The following RTN4 variants were observed in gnomAD, a reference collection of about 807,000 sequenced individuals.
RTN4 encodes the protein reticulon 4.
Under a neutral mutation model 90.4 loss-of-function variants are expected in RTN4, and 32 were observed. The ratio of observed to expected loss-of-function variants is 0.35; its 90% CI spans 0.27 to 0.48. The LOEUF is 0.48. Among genes scored for constraint, RTN4 ranks in the 20% least tolerant of loss-of-function variants. The pLI is 0.99. For synonymous variants in RTN4, 629 were observed against 552.5 expected, an observed-to-expected ratio of 1.14 and a Z score of -1.94; for missense variants, 1,706 against 1,430.2, an observed-to-expected ratio of 1.19 and a Z score of -3.11.
chr2:54,981,387 C>A (rs1318803368), intron 5 of RTN4, among the ~76,000 whole-genome samples: 1 of 151,380 alleles, frequency 6.6e-6, no homozygotes, highest in Non-Finnish European at 1.5e-5. Context: ...ACTACTATAT[C>A]CTTGGCATGT....
chr2:55,024,762 T>C (rs1351647239), intron 3 of RTN4, among the ~76,000 whole-genome samples: 1 of 152,104 alleles, frequency 6.6e-6, no homozygotes, highest in African/African-American at 2.4e-5. Flanking sequence ...CTCTTGCTCT[T>C]CATGTTATCA....
intron 3 of RTN4, among the ~76,000 whole-genome samples, chr2:55,013,613 G>C (rs1400274553): frequency 1.6e-4 from 20 of 125,704 alleles, no homozygotes; most frequent in African/African-American, 4.1e-4. Flanking sequence ...TTTTTTGGGG[G>C]GGGGGGAGGG....
chr2:55,119,460 G>A, the RTN4 span, among the ~76,000 whole-genome samples: 5 of 152,216 alleles, frequency 3.3e-5, no homozygotes, highest in East Asian at 1.9e-4. Context: ...CAGAGAGCTC[G>A]TGTGATAGCT....
At chr2:55,093,037 T>C (rs6705567) in intron 1 of RTN4, among the ~76,000 whole-genome samples, 56,332 of 152,198 alleles carry the variant, frequency 0.37, 10,877 homozygotes, top group African/African-American at 0.43. Flanking sequence ...TGTGTGTCTA[T>C]GTGTGTGTGT....
intron 3 of RTN4, among the ~76,000 whole-genome samples, chr2:55,020,865 T>C (rs1392831134): frequency 6.6e-6 from 1 of 151,940 alleles, no homozygotes; most frequent in Non-Finnish European, 1.5e-5. Context: ...TAGCCAGGCA[T>C]AGTGACACGA....
upstream of RTN4, among the ~76,000 whole-genome samples, chr2:55,055,790 C>A (rs6757907): frequency 0.3 from 44,919 of 149,042 alleles, 7,063 homozygotes; most frequent in African/African-American, 0.38. Context: ...ACAAAAAAAA[C>A]AAAAACAAAA....
At chr2:55,003,467 A>T (rs1253715500) in intron 3 of RTN4, among the ~76,000 whole-genome samples, 4 of 151,950 alleles carry the variant, frequency 2.6e-5, no homozygotes, top group African/African-American at 7.3e-5. Flanking sequence ...GAAGCAGATT[A>T]AAAAAAATAC....
chr2:55,033,725 T>C (rs1187037045), intron 1 of RTN4, among the ~76,000 whole-genome samples: 1 of 152,260 alleles, frequency 6.6e-6, no homozygotes, highest in Non-Finnish European at 1.5e-5. Context: ...ATAATACATA[T>C]TAAATAAGAT....
the RTN4 span, among the ~76,000 whole-genome samples, chr2:55,124,950 C>T: frequency 6.6e-6 from 1 of 152,054 alleles, no homozygotes; most frequent in African/African-American, 2.4e-5. Flanking sequence ...ACTGACAAAA[C>T]CAAGCAATGG....
chr2:55,110,169 G>A (rs986438897), intron 1 of RTN4, among the ~76,000 whole-genome samples: 1 of 151,994 alleles, frequency 6.6e-6, no homozygotes, highest in Non-Finnish European at 1.5e-5. Flanking sequence ...AAATTAGCCA[G>A]GTATGGTGGC....
At position 55,049,994 on chromosome 2, in the gene RTN4, C is replaced by G; in HGVS notation, c.307G>C (p.Glu103Gln). ...CTCGGGTCCCAAGACGGCTGCCGCT[C>G]CGGGGCGACGGGGGGAGCGGCCGGC... is the stretch of plus-strand genomic sequence containing the variant. The part of the protein sequence containing the change: ...PLPAAPPVAP[E>Q]RQPSWDPSPV... Residue 103 changes from glutamate to glutamine, a missense_variant, in exon 1 of 9, where the codon GAG (glutamate) becomes CAG (glutamine). Transcript: ENST00000337526. 1 of 1,376,096 alleles carries G rather than the reference C, an allele frequency of 7.3e-7. No individual in the cohort carries two copies. Among genetic ancestry groups the G allele is most frequent in the East Asian group, 3.0e-5 (1 of 32,938 alleles). 85.2% of individuals were successfully genotyped at this position (1,376,096 alleles called of 1,614,324 possible).
chr2:55,025,589 G>A lies in RTN4; in HGVS notation c.2510C>T (p.Thr837Ile). The stretch of plus-strand genomic sequence containing the variant: ...TAAGTCATCATTTGAATAAACTGCA[G>A]TACTGAGCTCCTCCATCTGCAAAGG... ...KIPLQMEELSTAVYSNDDLFI... is the reference protein window; with the variant it reads ...KIPLQMEELSIAVYSNDDLFI... The change falls in exon 3 of 9, where the codon ACT (threonine) becomes ATT (isoleucine). Residue 837 changes from threonine to isoleucine, a missense_variant. Coordinates refer to ENST00000337526, the MANE Select transcript of RTN4 (RefSeq NM_020532.5). 6.8e-6 allele frequency: 11 copies of A among 1,613,646 alleles called. No homozygotes were observed. The highest frequency in any genetic ancestry group is 1.3e-5 in the African/African-American group (1 of 74,996).
chr2:55,043,652 G>A (rs1031062253), intron 1 of RTN4, among the ~76,000 whole-genome samples: 11 of 152,092 alleles, frequency 7.2e-5, no homozygotes, highest in Admixed American at 7.2e-4. Context: ...GTGGGACACC[G>A]AGGCAGGTGG....
In RTN4 at chr2:55,044,785, T is replaced by TAAAAAAAAAAAA. The variant is rs10639848; in HGVS notation, c.556+4948_556+4959dup. Among the ~76,000 whole-genome samples the TAAAAAAAAAAAA allele has an allele frequency of 1.0e-3, 68 of 65,630 alleles. 1 individual carries two copies. The highest frequency in any genetic ancestry group is 1.1e-3 in the Non-Finnish European group (42 of 38,126). The allele number at this position is 65,630 out of a possible 152,430, so 43.1% of individuals were successfully genotyped here. A position where few individuals can be genotyped will look rare whatever the true frequency, so the allele number is the denominator to read the frequency against. ...GGATTTGAGAGAGTTTGCAAATCAC[T>TAAAAAAAAAAAA]AAAAAAAAAAAAAAAAAAAAAAAAA... On this transcript the variant is annotated intron_variant, in intron 1 of 8. Coordinates refer to ENST00000337526, the MANE Select transcript of RTN4 (RefSeq NM_020532.5).
At chr2:55,032,970 A>G (rs1682429315) in intron 1 of RTN4, among the ~76,000 whole-genome samples, 1 of 151,872 alleles carries the variant, frequency 6.6e-6, no homozygotes, top group African/African-American at 2.4e-5. Flanking sequence ...TGAGGCTGTA[A>G]CAAGCCATGA....
intron 1 of RTN4, among the ~76,000 whole-genome samples, chr2:55,109,154 T>TA (rs1667993041): frequency 6.6e-6 from 1 of 151,818 alleles, no homozygotes; most frequent in African/African-American, 2.4e-5. Context: ...AATACTGAAA[T>TA]GAAAAAAACA....
chr2:55,014,722 G>A (rs888893201), intron 3 of RTN4, among the ~76,000 whole-genome samples: 7 of 151,896 alleles, frequency 4.6e-5, no homozygotes, highest in South Asian at 2.1e-4. Flanking sequence ...TCACCATGTT[G>A]GCCAGGATGG....
intron 1 of RTN4, among the ~76,000 whole-genome samples, chr2:55,098,524 C>G (rs1299547490): frequency 6.6e-6 from 1 of 151,854 alleles, no homozygotes; most frequent in Non-Finnish European, 1.5e-5. Flanking sequence ...GAAGCAAATG[C>G]CAGAGAACAT....
rs73936808 is a variant in RTN4 at position 55,023,258 on chromosome 2, G to T, written c.3013+1828C>A. ...CCCTGAACCCATACCTAGGTTGTTT[G>T]GCACAATCAAAGAAAAGTCACCCTA... On this transcript the variant is annotated intron_variant, in intron 3 of 8. Coordinates refer to ENST00000337526, the MANE Select transcript of RTN4 (RefSeq NM_020532.5). Among the ~76,000 whole-genome samples the T allele has an allele frequency of 2.2e-3, 332 of 152,100 alleles. 3 individuals are homozygous for T. The highest frequency in any genetic ancestry group is 7.4e-3 in the African/African-American group (309 of 41,496).
Sources: allele counts gnomAD v4.1 joint callset (sites outside exome capture counted in the v4.1 genomes callset), GRCh38; gene constraint gnomAD v4.1.1; transcripts MANE v1.5; gene names NCBI Gene and HGNC (gene_info 2026-07-23, HGNC 2026-07-21).